FSTL5: variants seen among roughly 807,000 people sequenced by gnomAD.
FSTL5 encodes follistatin like 5.
A neutral mutation model predicts 89.1 loss-of-function variants in FSTL5; 62 were observed. The observed-to-expected ratio is 0.70, with a 90% confidence interval of 0.57 to 0.86. The LOEUF is 0.86. FSTL5 is among the 40% of genes least tolerant of loss of function. The pLI, the probability that FSTL5 is intolerant of heterozygous loss-of-function variation, is 0.00. For missense variants in FSTL5, 1,057 were observed against 1,001.6 expected, an observed-to-expected ratio of 1.06 and a Z score of -0.75; for synonymous variants, 383 against 346.2, an observed-to-expected ratio of 1.11 and a Z score of -1.18.
intron 6 of FSTL5, among the ~76,000 whole-genome samples, chr4:161,740,194 A>G (rs1198956117): frequency 1.3e-5 from 2 of 151,872 alleles, no homozygotes; most frequent in Non-Finnish European, 2.9e-5. Context: ...TAATTTTTAT[A>G]TTATTAGTAG....
chr4:162,031,669 G>A (rs1489450537), intron 3 of FSTL5, among the ~76,000 whole-genome samples: 1 of 152,118 alleles, frequency 6.6e-6, no homozygotes. Flanking sequence ...CGGGCGCGGT[G>A]GCTCAAGCCT....
intron 4 of FSTL5, among the ~76,000 whole-genome samples, chr4:161,880,249 A>G (rs767561441): frequency 3.9e-5 from 6 of 152,072 alleles, no homozygotes; most frequent in Non-Finnish European, 8.8e-5. Context: ...CATTTTGATG[A>G]ATGAAACTTC....
At chr4:162,140,105 A>AT (rs969954543) in intron 1 of FSTL5, among the ~76,000 whole-genome samples, 9 of 151,864 alleles carry the variant, frequency 5.9e-5, no homozygotes, top group Non-Finnish European at 1.3e-4. Flanking sequence ...ACCAGTTGGC[A>AT]TTTTTTTTCA....
At chr4:161,744,240 C>A (rs1740119048) in intron 6 of FSTL5, among the ~76,000 whole-genome samples, 1 of 151,998 alleles carries the variant, frequency 6.6e-6, no homozygotes, top group Non-Finnish European at 1.5e-5. Context: ...AGGCTCCCGT[C>A]CAGCTAACTT....
intron 7 of FSTL5, among the ~76,000 whole-genome samples, chr4:161,623,632 G>A (rs1212302094): frequency 1.3e-5 from 2 of 151,556 alleles, no homozygotes; most frequent in East Asian, 1.9e-4. Flanking sequence ...TTTTATCAGT[G>A]ATTTTTTTTT....
At chr4:162,108,062 A>G (rs181558514) in intron 2 of FSTL5, among the ~76,000 whole-genome samples, 8 of 152,282 alleles carry the variant, frequency 5.3e-5, no homozygotes, top group Admixed American at 2.6e-4. Context: ...ATTGTATTTT[A>G]CAAATCTAGA....
chr4:161,904,366 A>G (rs923720448), intron 4 of FSTL5, among the ~76,000 whole-genome samples: 7 of 152,202 alleles, frequency 4.6e-5, no homozygotes, highest in South Asian at 4.1e-4. Context: ...TTATTCTACT[A>G]TTTTAGGAGT....
chr4:161,899,722 T>G (rs1762868914), intron 4 of FSTL5, among the ~76,000 whole-genome samples: 1 of 152,178 alleles, frequency 6.6e-6, no homozygotes, highest in African/African-American at 2.4e-5. Context: ...ACAATATATG[T>G]TGACAAGTAA....
At chr4:161,694,239 G>C (rs868774143) in intron 6 of FSTL5, among the ~76,000 whole-genome samples, 6 of 152,068 alleles carry the variant, frequency 3.9e-5, no homozygotes, top group South Asian at 2.1e-4. Context: ...TATAGAGAAA[G>C]AAATAATGTT....
intron 8 of FSTL5, among the ~76,000 whole-genome samples, chr4:161,583,084 C>T (rs1191483635): frequency 3.3e-5 from 5 of 152,022 alleles, no homozygotes; most frequent in African/African-American, 1.2e-4. Context: ...CACCTGTAAT[C>T]CCAGCTACTG....
At chr4:161,538,986 A>T (rs1731727984) in intron 9 of FSTL5, among the ~76,000 whole-genome samples, 1 of 151,986 alleles carries the variant, frequency 6.6e-6, no homozygotes, top group African/African-American at 2.4e-5. Flanking sequence ...GCTGGTTTCG[A>T]ACTCCTGACC....
At chr4:161,821,258 G>C (rs1228819090) in intron 4 of FSTL5, among the ~76,000 whole-genome samples, 1 of 151,996 alleles carries the variant, frequency 6.6e-6, no homozygotes, top group Non-Finnish European at 1.5e-5. Flanking sequence ...GACTGGTCTT[G>C]AATTCCTGGG....
chr4:161,897,861 TA>T (rs908197923), intron 4 of FSTL5, among the ~76,000 whole-genome samples: 11 of 151,502 alleles, frequency 7.3e-5, no homozygotes, highest in African/African-American at 2.6e-4. Context: ...TCCCTAACAC[TA>T]CTCTGTGTTT....
At chr4:161,730,957 G>C (rs1227115147) in intron 6 of FSTL5, among the ~76,000 whole-genome samples, 1 of 152,138 alleles carries the variant, frequency 6.6e-6, no homozygotes, top group Non-Finnish European at 1.5e-5. Flanking sequence ...GATTGACAGT[G>C]CCCATGCAAA....
At chr4:161,846,400 CTT>C (rs1394452380) in intron 4 of FSTL5, among the ~76,000 whole-genome samples, 5 of 151,856 alleles carry the variant, frequency 3.3e-5, no homozygotes, top group Non-Finnish European at 7.4e-5. Context: ...ATATTAATGA[CTT>C]AATAAATCTT....
chr4:161,858,409 TAGAG>T (rs907037569), intron 4 of FSTL5, among the ~76,000 whole-genome samples: 6 of 152,080 alleles, frequency 3.9e-5, no homozygotes, highest in East Asian at 1.9e-4. Context: ...AAGGTATACT[TAGAG>T]AGCCCTTTCT....
At chr4:161,972,217 G>A (rs1238210400) in intron 3 of FSTL5, among the ~76,000 whole-genome samples, 9 of 151,900 alleles carry the variant, frequency 5.9e-5, no homozygotes, top group African/African-American at 1.9e-4. Flanking sequence ...TCAGCCTCAC[G>A]AATAGCTGGG....
chr4:161,464,235 T>C (rs1733673982), intron 13 of FSTL5, among the ~76,000 whole-genome samples: 1 of 152,198 alleles, frequency 6.6e-6, no homozygotes, highest in Admixed American at 6.5e-5. Context: ...GACTACACTT[T>C]CCTTGATGTC....
At chr4:161,726,538 T>C (rs1055184099) in intron 6 of FSTL5, among the ~76,000 whole-genome samples, 32 of 152,122 alleles carry the variant, frequency 2.1e-4, no homozygotes, top group African/African-American at 6.0e-4. Context: ...AGGATGCAAC[T>C]CTCAATACCG....
Sources: gnomAD v4.1 joint callset for allele counts (sites outside exome capture counted in the v4.1 genomes callset) on GRCh38, gnomAD v4.1.1 for gene constraint, MANE v1.5 for transcripts, NCBI Gene and HGNC (gene_info 2026-07-23, HGNC 2026-07-21) for gene names.